Variants in PKHD1L1 observed in about 807,000 individuals in gnomAD.
The protein encoded by PKHD1L1 is fibrocystin-L.
A neutral mutation model predicts 462.9 loss-of-function variants in PKHD1L1; 434 were observed. The observed-to-expected ratio is 0.94, with a 90% CI of 0.87 to 1.02. The LOEUF (loss-of-function observed/expected upper bound fraction) is 1.02, where lower values mean the gene tolerates loss of function less well. Among genes scored for constraint, PKHD1L1 ranks in the 50% least tolerant of loss-of-function variants. The pLI is 0.00. For synonymous variants in PKHD1L1, 1,781 were observed against 1,750.0 expected (o/e 1.02, Z -0.44); for missense variants, 5,202 against 5,096.1 (o/e 1.02, Z -0.63).
At chr8:109,470,651 T>G in intron 50 of PKHD1L1, 1 of 1,574,194 alleles carries the variant, frequency 6.4e-7, no homozygotes, top group Non-Finnish European at 8.6e-7. Context: ...TTGAAAAGTT[T>G]GATATCAAAG....
chr8:109,424,283 C>A (rs1814624293), intron 23 of PKHD1L1, among the ~76,000 whole-genome samples: 1 of 152,164 alleles, frequency 6.6e-6, no homozygotes, highest in Non-Finnish European at 1.5e-5. Context: ...ACTGTAGTTT[C>A]ATTCTCTTTG....
chr8:109,455,352 A>AAAAC (rs1205398279), intron 45 of PKHD1L1, among the ~76,000 whole-genome samples: 2 of 152,148 alleles, frequency 1.3e-5, no homozygotes, highest in Non-Finnish European at 2.9e-5. Flanking sequence ...TCAACAAAAC[A>AAAAC]AAACAAACAA....
intron 9 of PKHD1L1, among the ~76,000 whole-genome samples, chr8:109,393,612 C>G (rs1490200633): frequency 1.3e-5 from 2 of 152,156 alleles, no homozygotes; most frequent in Admixed American, 6.5e-5. Context: ...TGAGGAGCCA[C>G]AGCTCTGGAC....
chr8:109,364,672 T>C, intron 2 of PKHD1L1, 36 bp downstream of exon 2: 2 of 1,150,782 alleles, frequency 1.7e-6, no homozygotes, highest in East Asian at 2.7e-5. Context: ...TTTGCCAAGG[T>C]TGAGGTATTT....
intron 50 of PKHD1L1, chr8:109,470,260 T>C: frequency 7.1e-7 from 1 of 1,409,346 alleles, no homozygotes; most frequent in Non-Finnish European, 1.0e-6. Flanking sequence ...TGAAAACAAA[T>C]ACTGTGATCT....
At chr8:109,401,908 C>A (rs1401622016) in intron 14 of PKHD1L1, among the ~76,000 whole-genome samples, 1 of 152,140 alleles carries the variant, frequency 6.6e-6, no homozygotes, top group Non-Finnish European at 1.5e-5. Flanking sequence ...TCTGTTCCTG[C>A]AGCTGAGCTC....
chr8:109,435,491 G>A (rs760013936), intron 29 of PKHD1L1, 137 bp downstream of exon 29: 59 of 933,506 alleles, frequency 6.3e-5, no homozygotes, highest in Non-Finnish European at 8.8e-5. Context: ...CTTCGAGAAG[G>A]TACAGTGATT....
At chr8:109,450,828 C>A in intron 40 of PKHD1L1, 147 bp from the exon 41 acceptor site, 1 of 738,770 alleles carries the variant, frequency 1.4e-6, no homozygotes, top group Non-Finnish European at 2.1e-6. Context: ...TGCTAGAGGG[C>A]CACTATTATT....
chr8:109,445,503 T>C lies in PKHD1L1; in HGVS notation c.5634T>C (p.Asn1878=), dbSNP rs201554226. 8.7e-6 allele frequency: 14 copies of C among 1,613,636 alleles called. No homozygotes were observed. The highest frequency in any genetic ancestry group is 5.0e-5 in the Admixed American group (3 of 59,960). The change falls in exon 38 of 78, where the codon AAT becomes AAC. Residue 1878 remains asparagine, a synonymous_variant. Transcript: ENST00000378402. The stretch of plus-strand genomic sequence containing the variant: ...GTCAAATTATTTCCATCAACCCCAA[T>C]GAAGTCTACTGCCGCACTCCCGCTG... ...EPCQIISINP[N]EVYCRTPAGT...
At chr8:109,463,313 A>G (rs997362226) in intron 48 of PKHD1L1, among the ~76,000 whole-genome samples, 3 of 152,140 alleles carry the variant, frequency 2.0e-5, no homozygotes, top group African/African-American at 7.2e-5. Context: ...AATAAAATCC[A>G]TAAATCCATT....
intron 43 of PKHD1L1, among the ~76,000 whole-genome samples, chr8:109,453,713 A>T (rs769195330): frequency 6.6e-6 from 1 of 152,236 alleles, no homozygotes; most frequent in Non-Finnish European, 1.5e-5. Context: ...TAATAATGCT[A>T]ATCAGGCTAT....
chr8:109,476,478 C>T (rs1316616241), intron 51 of PKHD1L1, 30 bp from the exon 52 acceptor site: 2 of 1,328,418 alleles, frequency 1.5e-6, no homozygotes, highest in Non-Finnish European at 1.0e-6. Flanking sequence ...TATTAACATA[C>T]AAGTCACATT....
chr8:109,405,389 A>G (rs1563743005), intron 16 of PKHD1L1, among the ~76,000 whole-genome samples: 1 of 152,194 alleles, frequency 6.6e-6, no homozygotes, highest in African/African-American at 2.4e-5. Flanking sequence ...TGGAATTTAT[A>G]TATTTGCTAC....
chr8:109,523,187 G>A (rs764136348), intron 75 of PKHD1L1, 46 bp from the exon 76 acceptor site: 4 of 1,488,538 alleles, frequency 2.7e-6, no homozygotes, highest in Non-Finnish European at 3.6e-6. Flanking sequence ...TAAAAGCATG[G>A]AAACAGGACA....
chr8:109,470,627 T>A, intron 50 of PKHD1L1: 1 of 1,554,212 alleles, frequency 6.4e-7, no homozygotes, highest in Non-Finnish European at 8.7e-7. Flanking sequence ...AATAGCTCAG[T>A]GTCCCAACTA....
At chr8:109,416,703 G>A (rs1305016139) in intron 21 of PKHD1L1, among the ~76,000 whole-genome samples, 1 of 152,110 alleles carries the variant, frequency 6.6e-6, no homozygotes. Context: ...TAGTCACATA[G>A]GCAGATGCAA....
chr8:109,495,712 A>G (rs1036657735), intron 63 of PKHD1L1, among the ~76,000 whole-genome samples: 1 of 152,162 alleles, frequency 6.6e-6, no homozygotes, highest in Non-Finnish European at 1.5e-5. Flanking sequence ...CATAAATAAA[A>G]TGTAAAACCC....
In PKHD1L1 at chr8:109,530,169, T is replaced by A; in HGVS notation, c.*79T>A. On this transcript the variant is annotated 3_prime_UTR_variant, in exon 78 of 78. Transcript: ENST00000378402. Reference sequence around the variant, plus strand: ...TTGTTGGGCAATAGGCAAAAGTCTATAGCATTTTCATGAAAATATACTAAA... The same window carrying A: ...TTGTTGGGCAATAGGCAAAAGTCTAAAGCATTTTCATGAAAATATACTAAA... 1 of 860,244 alleles carries A rather than the reference T, an allele frequency of 1.2e-6. No individual in the cohort carries two copies. The highest frequency in any genetic ancestry group is 1.6e-6 in the Non-Finnish European group (1 of 618,984). The allele number at this position is 860,244 out of a possible 1,614,324, so 53.3% of individuals were successfully genotyped here.
In PKHD1L1 at chr8:109,476,676, C is replaced by A; in HGVS notation, c.8917+9C>A. 2 of 1,576,660 alleles carry A rather than the reference C, an allele frequency of 1.3e-6. No homozygotes were observed. The highest frequency in any genetic ancestry group is 2.4e-5 in the South Asian group (2 of 83,582). ...TACTCTATATTACTTGGGTATGTGT[C>A]ATTAGGCAGAAATGATAGTTTATCT... On this transcript the variant is annotated intron_variant, in intron 52 of 77. Coordinates refer to ENST00000378402, the MANE Select transcript of PKHD1L1 (RefSeq NM_177531.6).
Sources: gnomAD v4.1 joint callset for allele counts (sites outside exome capture counted in the v4.1 genomes callset) on GRCh38, gnomAD v4.1.1 for gene constraint, MANE v1.5 for transcripts, NCBI Gene and HGNC (gene_info 2026-07-23, HGNC 2026-07-21) for gene names.